The following KCNIP4 variants were observed in gnomAD, a reference collection of about 807,000 sequenced individuals.
KCNIP4 encodes the protein potassium voltage-gated channel interacting protein 4, also known as Kv channel-interacting protein 4.
In KCNIP4, 12 loss-of-function variants were observed where a neutral mutation model predicts 34.0. The ratio of observed to expected loss-of-function variants is 0.35; its 90% CI spans 0.23 to 0.57. The LOEUF (loss-of-function observed/expected upper bound fraction) is 0.57. KCNIP4 is among the 20% of genes least tolerant of loss of function. The pLI, the probability that KCNIP4 is intolerant of heterozygous loss-of-function variation, is 0.83. For missense variants in KCNIP4, 238 were observed against 311.7 expected (o/e 0.76, Z 1.78); for synonymous variants, 124 against 102.2 (o/e 1.21, Z -1.29).
intron 1 of KCNIP4, among the ~76,000 whole-genome samples, chr4:21,903,006 A>C (rs557513870): frequency 4.8e-4 from 73 of 152,258 alleles, no homozygotes; most frequent in Non-Finnish European, 8.5e-4. Context: ...CCTGCCCATA[A>C]TGTCTAATGA....
At chr4:21,638,006 T>C (rs774634991) in intron 1 of KCNIP4, among the ~76,000 whole-genome samples, 50 of 152,100 alleles carry the variant, frequency 3.3e-4, no homozygotes, top group Non-Finnish European at 5.3e-4. Flanking sequence ...ACAGTAAAAT[T>C]CACACTTTTC....
At chr4:21,369,738 A>G (rs1251269978) in intron 1 of KCNIP4, among the ~76,000 whole-genome samples, 1 of 147,372 alleles carries the variant, frequency 6.8e-6, no homozygotes, top group Non-Finnish European at 1.5e-5. Flanking sequence ...AAAAGAGGAA[A>G]GTGAGGCTTA....
chr4:21,715,533 A>G (rs186335496), intron 1 of KCNIP4, among the ~76,000 whole-genome samples: 68 of 152,310 alleles, frequency 4.5e-4, no homozygotes, highest in African/African-American at 1.5e-3. Context: ...TAGTGAACTG[A>G]ACAAAAAAAT....
chr4:21,230,336 A>T (rs899735807), intron 1 of KCNIP4, among the ~76,000 whole-genome samples: 2 of 151,716 alleles, frequency 1.3e-5, no homozygotes, highest in African/African-American at 4.9e-5. Flanking sequence ...TGGGAGGATA[A>T]TTATTATTTT....
intron 1 of KCNIP4, among the ~76,000 whole-genome samples, chr4:21,578,332 CAAAAAA>C (rs71191522): frequency 0.32 from 23,593 of 74,064 alleles, 2,054 homozygotes; most frequent in East Asian, 0.57. Context: ...GACTCCGTCT[CAAAAAA>C]AAAAAAAAAA....
chr4:21,516,615 T>C (rs1193287754), intron 1 of KCNIP4, among the ~76,000 whole-genome samples: 1 of 152,182 alleles, frequency 6.6e-6, no homozygotes, highest in East Asian at 1.9e-4. Flanking sequence ...AGCTGAAGAA[T>C]ACTCAGGTCT....
intron 1 of KCNIP4, among the ~76,000 whole-genome samples, chr4:21,669,488 A>G (rs1167523106): frequency 6.6e-6 from 1 of 152,250 alleles, no homozygotes; most frequent in Non-Finnish European, 1.5e-5. Flanking sequence ...ATACATGTTA[A>G]TCAACTGAAT....
chr4:21,422,961 A>C (rs1322615619), intron 1 of KCNIP4, among the ~76,000 whole-genome samples: 1 of 152,198 alleles, frequency 6.6e-6, no homozygotes, highest in Non-Finnish European at 1.5e-5. Flanking sequence ...CCATATCTAG[A>C]ACCTTAGACT....
intron 1 of KCNIP4, among the ~76,000 whole-genome samples, chr4:21,215,628 G>T (rs1379113342): frequency 2.6e-5 from 4 of 152,158 alleles, no homozygotes; most frequent in African/African-American, 9.7e-5. Context: ...TTAAGCAACA[G>T]ATCAAGGACT....
intron 1 of KCNIP4, among the ~76,000 whole-genome samples, chr4:21,616,248 C>A (rs1030310489): frequency 6.6e-6 from 1 of 152,138 alleles, no homozygotes; most frequent in African/African-American, 2.4e-5. Flanking sequence ...TTATCTTCTT[C>A]AAATTTTGAC....
At chr4:21,108,636 G>A (rs1484343905) in intron 1 of KCNIP4, among the ~76,000 whole-genome samples, 1 of 151,698 alleles carries the variant, frequency 6.6e-6, no homozygotes, top group Admixed American at 6.6e-5. Flanking sequence ...TTCCATTGCT[G>A]GTGAGGAACT....
At chr4:21,202,609 C>A (rs188124820) in intron 1 of KCNIP4, among the ~76,000 whole-genome samples, 258 of 152,278 alleles carry the variant, frequency 1.7e-3, no homozygotes, top group African/African-American at 6.0e-3. Context: ...GGAAAAGATA[C>A]CTGATTCTTT....
At chr4:21,110,152 C>T (rs990703253) in intron 1 of KCNIP4, among the ~76,000 whole-genome samples, 8 of 152,088 alleles carry the variant, frequency 5.3e-5, no homozygotes, top group African/African-American at 1.9e-4. Flanking sequence ...TAAGTTGTTG[C>T]ACTTTTTTGA....
chr4:21,245,703 C>T (rs1481805721), intron 1 of KCNIP4, among the ~76,000 whole-genome samples: 1 of 151,924 alleles, frequency 6.6e-6, no homozygotes, highest in Non-Finnish European at 1.5e-5. Context: ...GGGGCAACAC[C>T]AAGAATGAGA....
At chr4:21,469,198 G>A (rs1236924615) in intron 1 of KCNIP4, among the ~76,000 whole-genome samples, 1 of 151,982 alleles carries the variant, frequency 6.6e-6, no homozygotes, top group African/African-American at 2.4e-5. Context: ...CCAAGTAGCT[G>A]GGACTACAAG....
At chr4:21,344,418 C>A (rs1717081673) in intron 1 of KCNIP4, among the ~76,000 whole-genome samples, 1 of 152,110 alleles carries the variant, frequency 6.6e-6, no homozygotes, top group Non-Finnish European at 1.5e-5. Context: ...CACATTATTT[C>A]ATAGGATTTG....
At chr4:21,150,444 G>T (rs1752677233) in intron 1 of KCNIP4, among the ~76,000 whole-genome samples, 1 of 144,872 alleles carries the variant, frequency 6.9e-6, no homozygotes, top group Non-Finnish European at 1.5e-5. Context: ...CCCTGACTGT[G>T]ATCTCAGTTC....
At chr4:20,904,986 G>GT (rs746628330) in intron 1 of KCNIP4, among the ~76,000 whole-genome samples, 1 of 152,132 alleles carries the variant, frequency 6.6e-6, no homozygotes, top group South Asian at 2.1e-4. Context: ...AAGAGAGACA[G>GT]TTTTTTCAGC....
At chr4:21,329,123 T>C (rs1715375360) in intron 1 of KCNIP4, among the ~76,000 whole-genome samples, 1 of 152,230 alleles carries the variant, frequency 6.6e-6, no homozygotes, top group African/African-American at 2.4e-5. Context: ...ATCTGAATAA[T>C]TTCAATAAGT....
Sources: gnomAD v4.1 joint callset for allele counts (sites outside exome capture counted in the v4.1 genomes callset) on GRCh38, gnomAD v4.1.1 for gene constraint, MANE v1.5 for transcripts, NCBI Gene and HGNC (gene_info 2026-07-23, HGNC 2026-07-21) for gene names.